GARIN1A: variants seen among roughly 807,000 people sequenced by gnomAD.
GARIN1A encodes Golgi-associated RAB2 interactor protein 1A.
At chr7:128,688,261 C>T in the GARIN1A span, among the ~76,000 whole-genome samples, 24,169 of 152,128 alleles carry the variant, frequency 0.16, 2,130 homozygotes, top group East Asian at 0.36. Context: ...CTGCCCACCT[C>T]GGCCTCCCAA....
the GARIN1A span, among the ~76,000 whole-genome samples, chr7:128,696,039 G>A: frequency 9.3e-6 from 1 of 107,388 alleles, no homozygotes; most frequent in Non-Finnish European, 1.7e-5. Context: ...TTTTGACAAG[G>A]TCTCACTCTA....
At chr7:128,694,117 G>C in the GARIN1A span, among the ~76,000 whole-genome samples, 3 of 152,210 alleles carry the variant, frequency 2.0e-5, no homozygotes, top group South Asian at 2.1e-4. Flanking sequence ...AATTTTCTTA[G>C]TATTCTTAGT....
the GARIN1A span, among the ~76,000 whole-genome samples, chr7:128,690,051 G>C: frequency 6.6e-6 from 1 of 152,232 alleles, no homozygotes; most frequent in Non-Finnish European, 1.5e-5. Context: ...ACTTCATTTT[G>C]TTCTGTACTA....
At chr7:128,683,015 C>T in the GARIN1A span, 3 of 1,610,408 alleles carry the variant, frequency 1.9e-6, no homozygotes, top group Non-Finnish European at 2.5e-6. Context: ...ACAAGATACC[C>T]TCTCCAGTGG....
At chr7:128,675,982 C>T in the GARIN1A span, 1 of 614,236 alleles carries the variant, frequency 1.6e-6, no homozygotes, top group Non-Finnish European at 2.8e-6. Context: ...CTGTAGAACT[C>T]ATTCATTCAT....
chr7:128,676,893 C>T, the GARIN1A span, among the ~76,000 whole-genome samples: 1 of 151,972 alleles, frequency 6.6e-6, no homozygotes, highest in African/African-American at 2.4e-5. Flanking sequence ...CTTATCTTGG[C>T]AGGGCACAGT....
the GARIN1A span, among the ~76,000 whole-genome samples, chr7:128,690,269 C>T: frequency 1.4e-4 from 22 of 152,188 alleles, no homozygotes; most frequent in African/African-American, 5.3e-4. Context: ...ACAAACACTG[C>T]GGAAGGCCGC....
chr7:128,688,755 G>A, the GARIN1A span, among the ~76,000 whole-genome samples: 2 of 77,350 alleles, frequency 2.6e-5, no homozygotes, highest in African/African-American at 1.1e-4. Context: ...TAATAATAAC[G>A]GTCCCCCCTC....
the GARIN1A span, among the ~76,000 whole-genome samples, chr7:128,671,834 A>G: frequency 6.7e-5 from 10 of 149,534 alleles, no homozygotes; most frequent in Admixed American, 4.0e-4. Flanking sequence ...ACAGGTGTCC[A>G]TTTCTTTAAA....
the GARIN1A span, among the ~76,000 whole-genome samples, chr7:128,680,757 G>A: frequency 2.6e-5 from 4 of 152,090 alleles, no homozygotes; most frequent in South Asian, 8.3e-4. Context: ...AGTAGAGACA[G>A]GGTTTCACCA....
chr7:128,701,965 C>T, the GARIN1A span, among the ~76,000 whole-genome samples: 5 of 152,090 alleles, frequency 3.3e-5, no homozygotes, highest in Middle Eastern at 3.2e-3. Flanking sequence ...TCAGAAACCA[C>T]AGAAGCCAAA....
chr7:128,703,963 T>A, the GARIN1A span, among the ~76,000 whole-genome samples: 1 of 151,818 alleles, frequency 6.6e-6, no homozygotes, highest in African/African-American at 2.4e-5. Flanking sequence ...CCACAAAGAG[T>A]GAGTTTCACT....
chr7:128,687,712 G>A, the GARIN1A span: 1 of 152,210 alleles, frequency 6.6e-6, no homozygotes, highest in Non-Finnish European at 1.5e-5. Flanking sequence ...GGAGGAGACA[G>A]GTTTGGTTAC....
chr7:128,671,966 A>ACT, the GARIN1A span, among the ~76,000 whole-genome samples: 3 of 152,142 alleles, frequency 2.0e-5, no homozygotes, highest in Non-Finnish European at 4.4e-5. Context: ...GAGGGGCTTC[A>ACT]AGGGGAGCCA....
At chr7:128,698,286 C>G in the GARIN1A span, among the ~76,000 whole-genome samples, 1 of 152,122 alleles carries the variant, frequency 6.6e-6, no homozygotes, top group Non-Finnish European at 1.5e-5. Flanking sequence ...CCATCTCTGC[C>G]TTCTCTTGCC....
At chr7:128,680,061 C>G in the GARIN1A span, 1 of 1,577,808 alleles carries the variant, frequency 6.3e-7, no homozygotes, top group Non-Finnish European at 8.6e-7. Flanking sequence ...ATCCCCCCAG[C>G]CCAGCGAGCC....
the GARIN1A span, chr7:128,680,083 T>C: frequency 6.3e-7 from 1 of 1,582,880 alleles, no homozygotes; most frequent in South Asian, 1.2e-5. Context: ...CTCGTGCTGC[T>C]GGCGGCTGAG....
At chr7:128,676,550 A>G in the GARIN1A span, among the ~76,000 whole-genome samples, 1 of 152,122 alleles carries the variant, frequency 6.6e-6, no homozygotes, top group African/African-American at 2.4e-5. Context: ...TGAGTGAATT[A>G]AAATTCACTT....
chr7:128,682,278 C>T, the GARIN1A span, among the ~76,000 whole-genome samples: 1 of 152,130 alleles, frequency 6.6e-6, no homozygotes, highest in Non-Finnish European at 1.5e-5. Context: ...TCAGGCAGCC[C>T]AGCTCACTCT....
Sources: allele counts gnomAD v4.1 joint callset (sites outside exome capture counted in the v4.1 genomes callset), GRCh38; gene constraint gnomAD v4.1.1; transcripts MANE v1.5; gene names NCBI Gene and HGNC (gene_info 2026-07-23, HGNC 2026-07-21).